Variants in CRBN observed in about 807,000 individuals in gnomAD.
The protein encoded by CRBN is cereblon.
CRBN carries 53 observed loss-of-function variants against 62.2 expected under a neutral mutation model. The observed-to-expected ratio is 0.85, with a 90% confidence interval of 0.68 to 1.07. The LOEUF (loss-of-function observed/expected upper bound fraction) is 1.07. CRBN is among the 50% of genes least tolerant of loss of function. The pLI is 0.00. For missense variants in CRBN, 616 were observed against 531.1 expected (o/e 1.16, Z -1.57); for synonymous variants, 208 against 176.1 (o/e 1.18, Z -1.43).
Position 3,173,998 on chromosome 3 carries a change from C to A in CRBN, c.377+61G>T, listed in dbSNP as rs1255496870. ...ATAACAGCCTGCTTTGGCTTCAACA[C>A]TGACCACTGCAATTACCCATGAGAG... On this transcript the variant is annotated intron_variant, in intron 3 of 10. Transcript: ENST00000231948. 5.7e-6 allele frequency: 8 copies of A among 1,398,958 alleles called. No individual in the cohort carries two copies. The African/African-American group carries it at 7.1e-5, about 12-fold the overall frequency. 86.7% of individuals were successfully genotyped at this position (1,398,958 alleles called of 1,614,324 possible).
At chr3:3,168,625 T>C (rs76748317) in intron 4 of CRBN, among the ~76,000 whole-genome samples, 2,913 of 152,306 alleles carry the variant, frequency 0.019, 85 homozygotes, top group African/African-American at 0.066. Context: ...ATTAAAAGTC[T>C]CTGCTTTATT....
chr3:3,156,409 G>A, intron 5 of CRBN, 128 bp from the exon 6 acceptor site: 1 of 774,268 alleles, frequency 1.3e-6, no homozygotes, highest in South Asian at 1.6e-5. Context: ...AAAAAATTTT[G>A]TAGATAATCC....
chr3:3,149,757 A>ACACTC (rs1163479012), downstream of CRBN: 4 of 152,258 alleles, frequency 2.6e-5, no homozygotes, highest in East Asian at 7.7e-4. Flanking sequence ...ATGCAGTGTG[A>ACACTC]CACTCAACTG....
intron 7 of CRBN, chr3:3,154,321 G>C (rs1272855287): frequency 3.9e-6 from 2 of 512,282 alleles, no homozygotes; most frequent in Non-Finnish European, 7.0e-6. Context: ...TCAAATCCAT[G>C]TTAGAAGTTA....
chr3:3,161,484 G>A (rs564667293), intron 5 of CRBN, among the ~76,000 whole-genome samples: 1 of 152,306 alleles, frequency 6.6e-6, no homozygotes, highest in East Asian at 1.9e-4. Context: ...CGCCTCCCGG[G>A]TTCCAGTGAT....
chr3:3,153,368 G>T (rs930212105), intron 9 of CRBN, 56 bp downstream of exon 9: 2 of 988,336 alleles, frequency 2.0e-6, no homozygotes, highest in African/African-American at 3.2e-5. Flanking sequence ...CAGAAATACA[G>T]TCTTCATTAT....
chr3:3,175,023 T>C, intron 2 of CRBN, 140 bp downstream of exon 2: 1 of 585,412 alleles, frequency 1.7e-6, no homozygotes, highest in Non-Finnish European at 3.0e-6. Context: ...GTTAAATGTT[T>C]ATCTACTGGC....
chr3:3,176,545 G>A (rs1707830581), intron 1 of CRBN, among the ~76,000 whole-genome samples: 2 of 152,166 alleles, frequency 1.3e-5, no homozygotes, highest in African/African-American at 4.8e-5. Context: ...AGACCAGCCT[G>A]GCCAACATGT....
chr3:3,177,353 G>A (rs1400426121), intron 1 of CRBN, among the ~76,000 whole-genome samples: 4 of 152,124 alleles, frequency 2.6e-5, no homozygotes, highest in Admixed American at 2.6e-4. Context: ...TTTTCAATAT[G>A]GTAACTGCCT....
chr3:3,165,231 T>C (rs1044816529), intron 5 of CRBN, among the ~76,000 whole-genome samples: 2 of 152,212 alleles, frequency 1.3e-5, no homozygotes, highest in African/African-American at 2.4e-5. Flanking sequence ...CTGCTGAAGA[T>C]GTTGTGAATG....
intron 10 of CRBN, 67 bp from the exon 11 acceptor site, chr3:3,151,112 T>TATCA (rs1384249976): frequency 1.9e-5 from 30 of 1,542,614 alleles, no homozygotes; most frequent in Middle Eastern, 1.7e-4. Flanking sequence ...CATATAAACC[T>TATCA]ATCATGAAGA....
At chr3:3,151,158 C>G in intron 10 of CRBN, 113 bp from the exon 11 acceptor site, 1 of 1,143,772 alleles carries the variant, frequency 8.7e-7, no homozygotes, top group Non-Finnish European at 1.3e-6. Flanking sequence ...ATTAGAGATT[C>G]TAAGTTGAGA....
chr3:3,151,788 G>A lies in CRBN; in HGVS notation c.1148+668C>T, dbSNP rs1003880130. Among the ~76,000 whole-genome samples, 7 of 151,582 alleles carry A rather than the reference G, an allele frequency of 4.6e-5. No homozygotes were observed. The Admixed American group carries it at 4.6e-4, about 10-fold the overall frequency. On this transcript the variant is annotated intron_variant, in intron 10 of 10. Transcript: ENST00000231948. Reference sequence around the variant, plus strand: ...TGAAGATAGTACAGCTGAGGGAACTGAACAGGTTCCCAGGATCATAGAGAA... The same window carrying A: ...TGAAGATAGTACAGCTGAGGGAACTAAACAGGTTCCCAGGATCATAGAGAA...
intron 5 of CRBN, among the ~76,000 whole-genome samples, chr3:3,166,984 A>C (rs573188187): frequency 1.3e-5 from 2 of 152,138 alleles, no homozygotes; most frequent in Non-Finnish European, 1.5e-5. Flanking sequence ...AGAAACTAGT[A>C]ATCTTTTTCT....
chr3:3,173,038 C>T, intron 3 of CRBN, 113 bp from the exon 4 acceptor site: 5 of 808,458 alleles, frequency 6.2e-6, no homozygotes, highest in Non-Finnish European at 1.1e-5. Flanking sequence ...ACCCTTACTA[C>T]AAAGCTAGGA....
Position 3,159,191 on chromosome 3 carries a change from T to C in CRBN, c.688-2910A>G, listed in dbSNP as rs115630245. On this transcript the variant is annotated intron_variant, in intron 5 of 10. Transcript: ENST00000231948. Reference sequence around the variant, plus strand: ...TCTTAGCAGCGTGAGACCAGACTAATACAGTGCCTAACATGTGTCAGGCTA... The same window carrying C: ...TCTTAGCAGCGTGAGACCAGACTAACACAGTGCCTAACATGTGTCAGGCTA... Among the ~76,000 whole-genome samples the C allele has an allele frequency of 1.3e-3, 205 of 152,290 alleles. 2 individuals carry two copies. Among genetic ancestry groups the C allele is most frequent in the Middle Eastern group, 6.8e-3 (2 of 294 alleles).
intron 5 of CRBN, among the ~76,000 whole-genome samples, chr3:3,166,121 C>A (rs1311627678): frequency 1.3e-5 from 2 of 151,718 alleles, no homozygotes; most frequent in African/African-American, 4.8e-5. Flanking sequence ...TGGCTGTGTC[C>A]CCACTCAAAT....
At position 3,174,106 on chromosome 3, in the gene CRBN, C is replaced by A. The variant is rs2126068471; in HGVS notation, c.330G>T (p.Val110=). 2.5e-6 allele frequency: 4 copies of A among 1,614,160 alleles called. No homozygotes were observed. Among genetic ancestry groups the A allele is most frequent in the Non-Finnish European group, 3.4e-6 (4 of 1,180,018 alleles). Residue 110 remains valine (V), a synonymous_variant, in exon 3 of 11, where the codon GTG becomes GTT. Coordinates refer to ENST00000231948, the MANE Select transcript of CRBN (RefSeq NM_016302.4). The part of the protein sequence containing the change: ...QLFHPQEVSM[V]RNLIQKDRTF... ...TTCTATCTTTCTGAATTAAATTCCG[C>A]ACCATACTGACTTCTTGAGGGTGAA...
chr3:3,153,915 G>T, intron 8 of CRBN, 45 bp downstream of exon 8: 1 of 1,217,864 alleles, frequency 8.2e-7, no homozygotes, highest in Non-Finnish European at 1.2e-6. Flanking sequence ...TAGTTCTCCA[G>T]CCTGAATAAA....
Sources: allele counts gnomAD v4.1 joint callset (sites outside exome capture counted in the v4.1 genomes callset), GRCh38; gene constraint gnomAD v4.1.1; transcripts MANE v1.5; gene names NCBI Gene and HGNC (gene_info 2026-07-23, HGNC 2026-07-21).